Variants in MAP2K4 observed in about 807,000 individuals in gnomAD.
MAP2K4 encodes mitogen-activated protein kinase kinase 4, also known as dual specificity mitogen-activated protein kinase kinase 4.
Under a neutral mutation model 48.5 loss-of-function variants are expected in MAP2K4, and 4 were observed. That is an observed-to-expected ratio of 0.08 (90% CI 0.04 to 0.19). The LOEUF (loss-of-function observed/expected upper bound fraction) is 0.19, where lower values mean the gene tolerates loss of function less well. Among genes scored for constraint, MAP2K4 ranks in the 10% least tolerant of loss-of-function variants. MAP2K4 has a pLI of 1.00. For missense variants in MAP2K4, 258 were observed against 493.3 expected, an observed-to-expected ratio of 0.52 and a Z score of 4.52; for synonymous variants, 166 against 173.1, an observed-to-expected ratio of 0.96 and a Z score of 0.32.
intron 2 of MAP2K4, among the ~76,000 whole-genome samples, chr17:12,070,639 G>C (rs572837764): frequency 2.0e-5 from 3 of 152,236 alleles, no homozygotes; most frequent in South Asian, 4.2e-4. Context: ...GATACCATTT[G>C]GTATCATTTA....
intron 6 of MAP2K4, 68 bp from the exon 7 acceptor site, chr17:12,113,165 T>C: frequency 6.7e-7 from 1 of 1,501,174 alleles, no homozygotes; most frequent in African/African-American, 1.4e-5. Context: ...ATATTTTTGC[T>C]TAAAGTGAAG....
chr17:12,115,430 C>T (rs1972458453), intron 7 of MAP2K4: 2 of 470,190 alleles, frequency 4.3e-6, no homozygotes, highest in Non-Finnish European at 8.1e-6. Context: ...CAGCATGTTA[C>T]TGTACTAAAT....
chr17:12,021,183 G>A (rs1453813191), intron 1 of MAP2K4, 182 bp downstream of exon 1: 5 of 352,604 alleles, frequency 1.4e-5, no homozygotes, highest in South Asian at 1.5e-4. Context: ...GCTTGGATCC[G>A]GGCTCCGGCC....
chr17:12,083,741 T>G (rs1445842515), intron 3 of MAP2K4, among the ~76,000 whole-genome samples: 10 of 152,266 alleles, frequency 6.6e-5, no homozygotes, highest in Admixed American at 6.5e-4. Context: ...CAAAGAAGAA[T>G]AGTCTTTCAT....
chr17:12,121,272 A>G (rs1972680417), intron 7 of MAP2K4, among the ~76,000 whole-genome samples: 2 of 152,202 alleles, frequency 1.3e-5, no homozygotes, highest in Admixed American at 6.5e-5. Flanking sequence ...CCCAAGATAT[A>G]TTATTATGTA....
At chr17:12,101,529 TA>T (rs1278926914) in intron 4 of MAP2K4, among the ~76,000 whole-genome samples, 3 of 152,044 alleles carry the variant, frequency 2.0e-5, no homozygotes, top group Non-Finnish European at 1.5e-5. Context: ...TGTCGATTTC[TA>T]CCAAAAAACC....
At chr17:12,106,040 C>T (rs1030428424) in intron 4 of MAP2K4, among the ~76,000 whole-genome samples, 1 of 152,032 alleles carries the variant, frequency 6.6e-6, no homozygotes, top group Non-Finnish European at 1.5e-5. Flanking sequence ...GCTGAGGATG[C>T]GAGGAGGCCC....
intron 9 of MAP2K4, among the ~76,000 whole-genome samples, chr17:12,134,913 T>G (rs975739309): frequency 2.0e-5 from 3 of 152,160 alleles, no homozygotes; most frequent in African/African-American, 7.2e-5. Context: ...ATTTTATTTA[T>G]TTTGAGATAG....
chr17:12,089,875 T>C (rs1057117563), intron 3 of MAP2K4, among the ~76,000 whole-genome samples: 1 of 152,216 alleles, frequency 6.6e-6, no homozygotes, highest in African/African-American at 2.4e-5. Context: ...TCAGTTAGAA[T>C]TGATAGCCAT....
rs1423571691 is a variant in MAP2K4 at position 12,110,699 on chromosome 17, TGATA to T, written c.685+278_685+281del. ...GTTGAAAAATAATTATTCATTTGCCTGATAGATAATGTTTTTCTGCATACAAATA... is the reference window on the plus strand; with the variant it reads ...GTTGAAAAATAATTATTCATTTGCCTGATAATGTTTTTCTGCATACAAATA... On this transcript the variant is annotated intron_variant, in intron 6 of 10. Coordinates refer to ENST00000353533, the MANE Select transcript of MAP2K4 (RefSeq NM_003010.4). The T allele has an allele frequency of 6.7e-5, 24 of 359,196 alleles. No individual in the cohort carries two copies. In the South Asian group the frequency reaches 6.7e-4, roughly 10 times the overall value. The allele number at this position is 359,196 out of a possible 1,614,324, so 22.3% of individuals were successfully genotyped here.
intron 2 of MAP2K4, among the ~76,000 whole-genome samples, chr17:12,058,410 G>C (rs944062215): frequency 6.6e-6 from 1 of 151,890 alleles, no homozygotes; most frequent in African/African-American, 2.4e-5. Context: ...TGGTTTCTAG[G>C]CCTTCATTTC....
rs755823478 is a variant in MAP2K4 at position 12,129,173 on chromosome 17, A to G, written c.926A>G (p.Lys309Arg). 2.5e-6 allele frequency: 4 copies of G among 1,614,156 alleles called. No homozygotes were observed. Among genetic ancestry groups the G allele is most frequent in the Admixed American group, 3.3e-5 (2 of 60,022 alleles). The change falls in exon 9 of 11, where the codon AAG becomes AGG. Residue 309 changes from lysine (K) to arginine (R), a missense_variant. Physicochemically the swap from Lys to Arg is conservative, Grantham distance 26. This residue lies in a region of MAP2K4 where 132 missense variants were observed against 352.8 expected (regional missense o/e 0.37). Transcript: ENST00000353533. ...GCCACAGGCCGATTTCCTTATCCAA[A>G]GTGGAATAGTGTATTTGATCAACTA... ...ELATGRFPYP[K>R]WNSVFDQLTQ...
chr17:12,098,070 T>C (rs1257913512), intron 4 of MAP2K4, among the ~76,000 whole-genome samples: 1 of 152,188 alleles, frequency 6.6e-6, no homozygotes. Flanking sequence ...AATAAAAATA[T>C]AGTTTTTCAA....
chr17:12,101,978 A>G (rs890291415), intron 4 of MAP2K4, among the ~76,000 whole-genome samples: 8 of 151,900 alleles, frequency 5.3e-5, no homozygotes, highest in Non-Finnish European at 7.4e-5. Flanking sequence ...TTCTTTCCCA[A>G]TTAGTTCCTT....
intron 2 of MAP2K4, among the ~76,000 whole-genome samples, chr17:12,070,176 C>T (rs966663065): frequency 1.3e-5 from 2 of 151,312 alleles, no homozygotes; most frequent in African/African-American, 2.4e-5. Flanking sequence ...AAGGTTCTTA[C>T]GGATAGTGGT....
At chr17:12,063,969 TC>T (rs1463172620) in intron 2 of MAP2K4, among the ~76,000 whole-genome samples, 1 of 52,158 alleles carries the variant, frequency 1.9e-5, no homozygotes. Context: ...CAAAATTCTG[TC>T]AGGGGGCGGG....
intron 1 of MAP2K4, among the ~76,000 whole-genome samples, chr17:12,045,522 T>A (rs1371784985): frequency 6.6e-6 from 1 of 152,212 alleles, no homozygotes; most frequent in Non-Finnish European, 1.5e-5. Flanking sequence ...TTATGACTTT[T>A]CTTGACATAG....
At chr17:12,074,952 T>C (rs985624054) in intron 2 of MAP2K4, among the ~76,000 whole-genome samples, 1 of 152,210 alleles carries the variant, frequency 6.6e-6, no homozygotes, top group African/African-American at 2.4e-5. Flanking sequence ...GTCTGTTTTT[T>C]TCAGTTGTTT....
chr17:12,129,005 C>T, intron 8 of MAP2K4, 134 bp from the exon 9 acceptor site: 3 of 706,788 alleles, frequency 4.2e-6, no homozygotes, highest in East Asian at 2.7e-5. Flanking sequence ...AAGATTCCTC[C>T]CCAAGCTAAC....
Sources: allele counts gnomAD v4.1 joint callset (sites outside exome capture counted in the v4.1 genomes callset), GRCh38; gene constraint gnomAD v4.1.1; regional missense constraint gnomAD v4.1.1; transcripts MANE v1.5; gene names NCBI Gene and HGNC (gene_info 2026-07-23, HGNC 2026-07-21).